The following MAPK10 variants were observed in gnomAD, a reference collection of about 807,000 sequenced individuals.
MAPK10 encodes the protein JNK3 alpha protein kinase.
MAPK10 carries 25 observed loss-of-function variants against 59.3 expected under a neutral mutation model. The ratio of observed to expected loss-of-function variants is 0.42; its 90% CI spans 0.31 to 0.59. The LOEUF (loss-of-function observed/expected upper bound fraction) is 0.59. Among genes scored for constraint, MAPK10 ranks in the 20% least tolerant of loss-of-function variants. The probability of loss-of-function intolerance (pLI) is 0.15; values close to 1 mark genes in which losing one functional copy is unlikely to be tolerated. For missense variants in MAPK10, 351 were observed against 568.9 expected, an observed-to-expected ratio of 0.62 and a Z score of 3.90; for synonymous variants, 190 against 200.5, an observed-to-expected ratio of 0.95 and a Z score of 0.44.
intron 1 of MAPK10, among the ~76,000 whole-genome samples, chr4:86,464,834 A>T (rs549628639): frequency 6.6e-6 from 1 of 152,002 alleles, no homozygotes; most frequent in African/African-American, 2.4e-5. Flanking sequence ...AAAAAAAAAG[A>T]ATGCACCCTT....
intron 1 of MAPK10, among the ~76,000 whole-genome samples, chr4:86,564,535 G>A (rs752355689): frequency 1.3e-5 from 2 of 152,120 alleles, no homozygotes; most frequent in Non-Finnish European, 2.9e-5. Flanking sequence ...AAGAAGATAA[G>A]GAACAGTTGT....
chr4:86,110,908 C>T (rs562105246), intron 4 of MAPK10, among the ~76,000 whole-genome samples: 74 of 152,168 alleles, frequency 4.9e-4, no homozygotes, highest in African/African-American at 1.7e-3. Context: ...TTTCCTTGAG[C>T]AGTGGTTTGT....
intron 2 of MAPK10, among the ~76,000 whole-genome samples, chr4:86,350,687 A>T (rs575434839): frequency 6.6e-6 from 1 of 152,328 alleles, no homozygotes; most frequent in East Asian, 1.9e-4. Context: ...GGAAGTTATT[A>T]CATGGATGAC....
At chr4:86,369,240 A>C (rs1229746414) in intron 1 of MAPK10, among the ~76,000 whole-genome samples, 3 of 152,210 alleles carry the variant, frequency 2.0e-5, no homozygotes, top group Non-Finnish European at 1.5e-5. Flanking sequence ...GCTAAGAAGC[A>C]AAATATGAGC....
intron 2 of MAPK10, among the ~76,000 whole-genome samples, chr4:86,232,860 G>A (rs1490876660): frequency 6.8e-6 from 1 of 147,606 alleles, no homozygotes. Flanking sequence ...TATATGCTTT[G>A]TTGTTGGTAA....
At chr4:86,548,356 A>C (rs1406065234) in intron 1 of MAPK10, among the ~76,000 whole-genome samples, 1 of 152,070 alleles carries the variant, frequency 6.6e-6, no homozygotes, top group Non-Finnish European at 1.5e-5. Context: ...CGGACATGCC[A>C]CCTTTAAGAA....
intron 4 of MAPK10, among the ~76,000 whole-genome samples, chr4:86,151,610 C>T (rs986398821): frequency 5.9e-5 from 9 of 152,098 alleles, no homozygotes; most frequent in African/African-American, 1.7e-4. Context: ...TCTGAAATCA[C>T]TCTTCATGGT....
At chr4:86,361,516 C>G (rs1272281763), upstream of MAPK10, among the ~76,000 whole-genome samples, 1 of 152,116 alleles carries the variant, frequency 6.6e-6, no homozygotes, top group Non-Finnish European at 1.5e-5. Flanking sequence ...GTCAGTTCCC[C>G]AATCCCATGG....
At chr4:86,387,642 A>T (rs1365662749) in intron 1 of MAPK10, among the ~76,000 whole-genome samples, 1 of 152,210 alleles carries the variant, frequency 6.6e-6, no homozygotes, top group Non-Finnish European at 1.5e-5. Flanking sequence ...AGTGAAGGGA[A>T]AGCCTTGGTT....
At chr4:86,579,384 A>T (rs1423228094) in intron 1 of MAPK10, among the ~76,000 whole-genome samples, 1 of 152,182 alleles carries the variant, frequency 6.6e-6, no homozygotes, top group African/African-American at 2.4e-5. Flanking sequence ...ATCAGCATAC[A>T]GTAAGAAGTC....
chr4:86,412,307 A>G (rs1307689976), intron 1 of MAPK10, among the ~76,000 whole-genome samples: 1 of 152,092 alleles, frequency 6.6e-6, no homozygotes, highest in African/African-American at 2.4e-5. Context: ...GGGTAACCCT[A>G]CTTTTCTCTC....
intron 1 of MAPK10, among the ~76,000 whole-genome samples, chr4:86,498,247 G>A (rs1344026067): frequency 6.6e-6 from 1 of 152,210 alleles, no homozygotes; most frequent in African/African-American, 2.4e-5. Flanking sequence ...GCAGAGCAAG[G>A]CCTGGCAGGC....
chr4:86,541,949 A>G (rs867069650), intron 1 of MAPK10, among the ~76,000 whole-genome samples: 708 of 13,290 alleles, frequency 0.053, 2 homozygotes, highest in African/African-American at 0.091. Context: ...ATACACCGGC[A>G]CACACACACA....
intron 2 of MAPK10, among the ~76,000 whole-genome samples, chr4:86,248,993 C>G (rs565983842): frequency 2.0e-5 from 3 of 152,224 alleles, no homozygotes; most frequent in Admixed American, 6.5e-5. Flanking sequence ...TATAATTTAG[C>G]ACAGGAAAAT....
Position 86,359,919 on chromosome 4 carries a change from GCAAGCACCACC to G in MAPK10, c.-394_-384del. 4.1e-6 allele frequency: 4 copies of G among 985,732 alleles called. No homozygotes were observed. The highest frequency in any genetic ancestry group is 4.8e-6 in the Non-Finnish European group (4 of 829,944). The allele number at this position is 985,732 out of a possible 1,614,324, so 61.1% of individuals were successfully genotyped here. A position where few individuals can be genotyped will look rare whatever the true frequency, so the allele number is the denominator to read the frequency against. ...AAGAAAAGAAAAAGGTAAGCATATA[GCAAGCACCACC>G]CACCCCCATAAAAATAAAAAGTGAA... On this transcript the variant is annotated 5_prime_UTR_variant, in exon 1 of 14. The change creates a premature stop within an existing upstream ORF in the 5' untranslated region. Coordinates refer to ENST00000641462, the MANE Select transcript of MAPK10 (RefSeq NM_138982.4).
At chr4:86,482,884 C>G (rs1408386854) in intron 1 of MAPK10, among the ~76,000 whole-genome samples, 1 of 152,134 alleles carries the variant, frequency 6.6e-6, no homozygotes, top group Admixed American at 6.6e-5. Context: ...TTCTGGCTCA[C>G]CTAATTTTTT....
At chr4:86,047,967 C>A (rs2042818076) in intron 11 of MAPK10, among the ~76,000 whole-genome samples, 2 of 151,978 alleles carry the variant, frequency 1.3e-5, no homozygotes, top group South Asian at 4.1e-4. Flanking sequence ...ATGATGTTTG[C>A]ATAGATGAAA....
chr4:86,384,167 C>T (rs1396541716), intron 1 of MAPK10: 1 of 152,194 alleles, frequency 6.6e-6, no homozygotes, highest in African/African-American at 2.4e-5. Flanking sequence ...ATGTTTTCAT[C>T]AGACATTATT....
chr4:86,302,904 G>GT (rs1161452517), intron 2 of MAPK10, among the ~76,000 whole-genome samples: 1 of 152,166 alleles, frequency 6.6e-6, no homozygotes, highest in African/African-American at 2.4e-5. Flanking sequence ...TCATGCCACT[G>GT]TTTAATTTTA....
Sources: gnomAD v4.1 joint callset for allele counts (sites outside exome capture counted in the v4.1 genomes callset) on GRCh38, gnomAD v4.1.1 for gene constraint, MANE v1.5 for transcripts, NCBI Gene and HGNC (gene_info 2026-07-23, HGNC 2026-07-21) for gene names.